Variants in THAP9 observed in about 807,000 individuals in gnomAD.
THAP9 encodes the protein DNA transposase THAP9.
Under a neutral mutation model 35.7 loss-of-function variants are expected in THAP9, and 20 were observed. The observed-to-expected ratio is 0.56, with a 90% CI of 0.39 to 0.81. The LOEUF (loss-of-function observed/expected upper bound fraction) is 0.81. Among genes scored for constraint, THAP9 ranks in the 40% least tolerant of loss-of-function variants. The probability of loss-of-function intolerance (pLI) is 0.00; values close to 1 mark genes in which losing one functional copy is unlikely to be tolerated. For missense variants in THAP9, 870 were observed against 1,047.4 expected (o/e 0.83, Z 2.34); for synonymous variants, 335 against 373.7 (o/e 0.90, Z 1.19).
In THAP9 at chr4:82,917,305, G is replaced by A. The variant is rs1721067188; in HGVS notation, c.1093G>A (p.Gly365Arg). 3 of 1,613,962 alleles carry A rather than the reference G, an allele frequency of 1.9e-6. No individual in the cohort carries two copies. Among genetic ancestry groups the A allele is most frequent in the Admixed American group, 1.7e-5 (1 of 60,008 alleles). ...GACTATTGGTAAACTGAGTGACATA[G>A]GAATCACAGTTCTGGCTGTTACATC... ...RLTIGKLSDIGITVLAVTSDA... is the reference protein window; with the variant it reads ...RLTIGKLSDIRITVLAVTSDA... Residue 365 changes from glycine to arginine, a missense_variant, in exon 5 of 5, where the codon GGA (glycine) becomes AGA (arginine). Gly to Arg is a moderately radical substitution (Grantham distance 125). Around this residue, in one of 3 missense-constraint regions of THAP9, gnomAD observed 440 missense variants for 501.2 expected, o/e 0.88. Transcript: ENST00000302236.
Position 82,918,914 on chromosome 4 carries a change from C to T in THAP9, c.2702C>T (p.Pro901Leu). 6.3e-7 allele frequency: 1 copy of T among 1,580,874 alleles called. No homozygotes were observed. ...FRHLLSNDGY[P>L]FK ...CATTTGCTAAGTAACGATGGATATCCATTCAAATGAGAGACCTAAAATATA... is the reference window on the plus strand; with the variant it reads ...CATTTGCTAAGTAACGATGGATATCTATTCAAATGAGAGACCTAAAATATA... The change falls in exon 5 of 5, where the codon CCA becomes CTA. Residue 901 changes from proline to leucine, a missense_variant. Physicochemically the swap from Pro to Leu is moderately conservative, Grantham distance 98. Coordinates refer to ENST00000302236, the MANE Select transcript of THAP9 (RefSeq NM_024672.6).
intron 2 of THAP9, among the ~76,000 whole-genome samples, chr4:82,905,142 T>C (rs1720592932): frequency 2.0e-5 from 3 of 152,248 alleles, no homozygotes; most frequent in South Asian, 4.1e-4. Flanking sequence ...ATGCAAATCA[T>C]TTGTCTAGAT....
intron 4 of THAP9, among the ~76,000 whole-genome samples, chr4:82,913,917 A>C (rs1720954158): frequency 6.6e-6 from 1 of 151,464 alleles, no homozygotes; most frequent in African/African-American, 2.4e-5. Flanking sequence ...GTGTATTTTT[A>C]GTAGAGATGG....
chr4:82,910,073 T>C (rs1046861978), intron 4 of THAP9: 1 of 152,150 alleles, frequency 6.6e-6, no homozygotes, highest in African/African-American at 2.4e-5. Flanking sequence ...TTCTTATCTT[T>C]TCTTTTTCAT....
rs1279768339 is a variant in THAP9, at chr4:82,917,521, G to GGTAT, written c.1310_1313dup (p.Ile438MetfsTer41). ...TTTTCAAAGCATTCAGTTTATTAAT[G>GGTAT]GTATAGCACATTGGCAGCACCTCGT... On this transcript the variant is annotated frameshift_variant, in exon 5 of 5. Coordinates refer to ENST00000302236, the MANE Select transcript of THAP9 (RefSeq NM_024672.6). LOFTEE classifies it low-confidence loss of function (END_TRUNC). 1.2e-6 allele frequency: 2 copies of GGTAT among 1,612,142 alleles called. No homozygotes were observed. The highest frequency in any genetic ancestry group is 1.7e-6 in the Non-Finnish European group (2 of 1,178,438).
At chr4:82,911,408 G>A (rs915034109) in intron 4 of THAP9, among the ~76,000 whole-genome samples, 10 of 151,894 alleles carry the variant, frequency 6.6e-5, no homozygotes, top group Non-Finnish European at 1.0e-4. Context: ...TGGCTAACAC[G>A]GTGAAACCCC....
At chr4:82,907,169 C>T (rs933819723) in intron 3 of THAP9, among the ~76,000 whole-genome samples, 12 of 151,988 alleles carry the variant, frequency 7.9e-5, no homozygotes, top group East Asian at 7.7e-4. Context: ...TGAAGAAGGG[C>T]AAAATAAAAA....
rs999395955 is a variant in THAP9 at position 82,918,773 on chromosome 4, A to T, written c.2561A>T (p.Asn854Ile). The T allele has an allele frequency of 5.0e-6, 8 of 1,613,744 alleles. No individual in the cohort carries two copies. In the African/African-American group the frequency reaches 1.1e-4, roughly 22 times the overall value. Residue 854 changes from asparagine to isoleucine, a missense_variant, in exon 5 of 5, where the codon AAT becomes ATT. This residue lies in a region of THAP9 where 414 missense variants were observed against 500.8 expected (regional missense o/e 0.83). Transcript: ENST00000302236. ...ATCAGAGCTAAAAATGTTGCACAGA[A>T]TCCTTTAAAACATCATTCAGAGAGA... ...LNIRAKNVAQNPLKHHSERTD... is the reference protein window; with the variant it reads ...LNIRAKNVAQIPLKHHSERTD...
At chr4:82,905,126 A>G (rs1338345755) in intron 2 of THAP9, among the ~76,000 whole-genome samples, 195 bp downstream of exon 2, 1 of 152,164 alleles carries the variant, frequency 6.6e-6, no homozygotes, top group Non-Finnish European at 1.5e-5. Flanking sequence ...TTAAAAAACT[A>G]TATAAATGCA....
chr4:82,916,962 A>T lies in THAP9; in HGVS notation c.750A>T (p.Gln250His), dbSNP rs757730324. The T allele has an allele frequency of 1.3e-6, 2 of 1,530,134 alleles. No homozygotes were observed. Among genetic ancestry groups the T allele is most frequent in the Non-Finnish European group, 1.8e-6 (2 of 1,141,848 alleles). The allele number at this position is 1,530,134 out of a possible 1,614,324, so 94.8% of individuals were successfully genotyped here. A position where few individuals can be genotyped will look rare whatever the true frequency, so the allele number is the denominator to read the frequency against. ...SILRTWLSKC[Q>H]PSPGFNSNIF... The stretch of plus-strand genomic sequence containing the variant: ...ATTCTAGGTGGTTATCCAAATGCCA[A>T]CCCAGTCCAGGTTTCAACAGCAACA... The change falls in exon 5 of 5, where the codon CAA becomes CAT. Residue 250 changes from glutamine (Q) to histidine (H), a missense_variant. Gln to His is a conservative substitution (Grantham distance 24). Coordinates refer to ENST00000302236, the MANE Select transcript of THAP9 (RefSeq NM_024672.6).
At chr4:82,913,604 T>G (rs920749631) in intron 4 of THAP9, among the ~76,000 whole-genome samples, 15 of 152,258 alleles carry the variant, frequency 9.9e-5, no homozygotes, top group Admixed American at 3.9e-4. Flanking sequence ...GGGGTACATG[T>G]GAAGGTTTGT....
intron 4 of THAP9, among the ~76,000 whole-genome samples, chr4:82,912,068 C>T (rs566714664): frequency 3.3e-5 from 5 of 152,286 alleles, no homozygotes; most frequent in African/African-American, 7.2e-5. Flanking sequence ...TTTCTCTTTA[C>T]TGATGTTGGA....
At chr4:82,909,005 C>T (rs1236107939) in intron 4 of THAP9, among the ~76,000 whole-genome samples, 1 of 151,960 alleles carries the variant, frequency 6.6e-6, no homozygotes, top group Non-Finnish European at 1.5e-5. Context: ...CTCCCAGGTT[C>T]GACCCATTCT....
chr4:82,918,573 T>G lies in THAP9; in HGVS notation c.2361T>G (p.Ile787Met). The part of the protein sequence containing the change: ...RVVRTHSRMA[I>M]FELVSKQREL... Reference sequence around the variant, plus strand: ...TAAGAACCCATTCAAGAATGGCAATTTTTGAACTAGTTTCTAAACAAAGGG... The same window carrying G: ...TAAGAACCCATTCAAGAATGGCAATGTTTGAACTAGTTTCTAAACAAAGGG... Residue 787 changes from isoleucine (I) to methionine (M), a missense_variant, in exon 5 of 5, where the codon ATT becomes ATG. Physicochemically the swap from Ile to Met is conservative, Grantham distance 10. This residue lies in a region of THAP9 where 414 missense variants were observed against 500.8 expected (regional missense o/e 0.83). Coordinates refer to ENST00000302236, the MANE Select transcript of THAP9 (RefSeq NM_024672.6). 4 of 1,614,004 alleles carry G rather than the reference T, an allele frequency of 2.5e-6. No individual in the cohort carries two copies.
chr4:82,907,716 C>T, intron 3 of THAP9, 69 bp from the exon 4 acceptor site: 4 of 1,160,822 alleles, frequency 3.4e-6, no homozygotes, highest in East Asian at 2.6e-5. Flanking sequence ...ATTTTATATC[C>T]AAATGCTATA....
rs775626089 is a variant in THAP9 at position 82,917,459 on chromosome 4, G to A, written c.1247G>A (p.Cys416Tyr). 2.5e-6 allele frequency: 4 copies of A among 1,613,936 alleles called. No individual in the cohort carries two copies. The highest frequency in any genetic ancestry group is 3.4e-6 in the Non-Finnish European group (4 of 1,179,902). ...CAGATTGCATACTTCTTTGACTCTT[G>A]CCACTTGCTAAGATTAATAAGAAAT... ...SQQIAYFFDS[C>Y]HLLRLIRNAF... is the part of the protein sequence containing the mutation. Residue 416 changes from cysteine to tyrosine, a missense_variant, in exon 5 of 5, where the codon TGC becomes TAC. Coordinates refer to ENST00000302236, the MANE Select transcript of THAP9 (RefSeq NM_024672.6).
chr4:82,918,192 C>G lies in THAP9; in HGVS notation c.1980C>G (p.Asp660Glu). The G allele has an allele frequency of 6.2e-7, 1 of 1,614,182 alleles. No individual in the cohort carries two copies. The highest frequency in any genetic ancestry group is 8.5e-7 in the Non-Finnish European group (1 of 1,180,010). The change falls in exon 5 of 5, where the codon GAC (aspartate) becomes GAG (glutamate). Residue 660 changes from aspartate to glutamate, a missense_variant. Asp to Glu is a conservative substitution (Grantham distance 45, BLOSUM62 2). Coordinates refer to ENST00000302236, the MANE Select transcript of THAP9 (RefSeq NM_024672.6). ...TTCTAAGCAAAGTAAGCATCTTTGA[C>G]ATTTCAATTGCTCGAAGGAAAGACT... ...EVFLSKVSIF[D>E]ISIARRKDLA... is the part of the protein sequence containing the mutation.
intron 1 of THAP9, among the ~76,000 whole-genome samples, chr4:82,901,710 AT>A (rs34317153): frequency 0.96 from 142,884 of 149,100 alleles, 68,527 homozygotes; most frequent in East Asian, 0.99. Flanking sequence ...AAATTCATTG[AT>A]TTTTTTTTTT....
chr4:82,908,076 C>A, intron 4 of THAP9, 141 bp downstream of exon 4: 1 of 825,074 alleles, frequency 1.2e-6, no homozygotes, highest in Non-Finnish European at 1.8e-6. Flanking sequence ...AGTACTCATA[C>A]TCCCATTTAA....
Sources: gnomAD v4.1 joint callset for allele counts (sites outside exome capture counted in the v4.1 genomes callset) on GRCh38, gnomAD v4.1.1 for gene constraint, gnomAD v4.1.1 regional missense constraint, MANE v1.5 for transcripts, NCBI Gene and HGNC (gene_info 2026-07-23, HGNC 2026-07-21) for gene names.